The following FIGNL2 variants were observed in gnomAD, a reference collection of about 807,000 sequenced individuals.
FIGNL2 encodes the protein fidgetin-like protein 2.
For synonymous variants in FIGNL2, 565 were observed against 484.0 expected (o/e 1.17, Z -2.20); for missense variants, 1,060 against 950.2 (o/e 1.12, Z -1.52).
rs1408204038 is a variant in FIGNL2 at position 51,821,598 on chromosome 12, CTCG to C, written c.813_815del (p.Asp271del). ...ACTTGCGGTAGCGGCCCTCGGGCCC[CTCG>C]TCGGCGGCCTTGCGCTTCAGCGACA... On this transcript the variant is annotated inframe_deletion, in exon 2 of 2. Transcript: ENST00000618634. The C allele has an allele frequency of 6.6e-7, 1 of 1,507,476 alleles. No homozygotes were observed. 93.4% of individuals were successfully genotyped at this position (1,507,476 alleles called of 1,614,324 possible).
At position 51,820,931 on chromosome 12, in the gene FIGNL2, C is replaced by A; in HGVS notation, c.1483G>T (p.Ala495Ser). 1 of 1,312,188 alleles carries A rather than the reference C, an allele frequency of 7.6e-7. No homozygotes were observed. The highest frequency in any genetic ancestry group is 9.6e-7 in the Non-Finnish European group (1 of 1,038,760). 81.3% of individuals were successfully genotyped at this position (1,312,188 alleles called of 1,614,324 possible). Residue 495 changes from alanine (A) to serine (S), a missense_variant, in exon 2 of 2, where the codon GCG (alanine) becomes TCG (serine). Coordinates refer to ENST00000618634, the MANE Select transcript of FIGNL2 (RefSeq NM_001384995.1). ...PSVLLISELEALLPARDDGAA... is the reference protein window; with the variant it reads ...PSVLLISELESLLPARDDGAA... ...CCGTCGTCCCGGGCGGGGAGCAGCG[C>A]CTCTAGCTCGCTGATGAGGAGTACG...
chr12:51,832,808 G>A (rs1399904657), intron 1 of FIGNL2, among the ~76,000 whole-genome samples: 2 of 152,066 alleles, frequency 1.3e-5, no homozygotes, highest in Non-Finnish European at 2.9e-5. Context: ...TATTTAATTG[G>A]CATAATTAAC....
At chr12:51,840,440 G>T (rs1939641841) in intron 1 of FIGNL2, among the ~76,000 whole-genome samples, 1 of 152,152 alleles carries the variant, frequency 6.6e-6, no homozygotes, top group East Asian at 1.9e-4. Flanking sequence ...GCTACAAAGG[G>T]AATTAATAAC....
chr12:51,847,118 G>A (rs1939768408), intron 1 of FIGNL2: 2 of 985,290 alleles, frequency 2.0e-6, no homozygotes, highest in South Asian at 4.7e-5. Context: ...CGGCGCGCCC[G>A]TCCTTGGGGG....
chr12:51,830,136 A>G (rs1043442956), intron 1 of FIGNL2, among the ~76,000 whole-genome samples: 7 of 152,000 alleles, frequency 4.6e-5, no homozygotes, highest in African/African-American at 1.7e-4. Flanking sequence ...TAAAAATACA[A>G]AAATTAGCCG....
At chr12:51,833,171 C>T (rs1939504293) in intron 1 of FIGNL2, among the ~76,000 whole-genome samples, 1 of 152,100 alleles carries the variant, frequency 6.6e-6, no homozygotes, top group Non-Finnish European at 1.5e-5. Context: ...CCTCAGCCTC[C>T]CAAGTAGTTG....
At chr12:51,829,786 AAAG>A (rs539224862) in intron 1 of FIGNL2, among the ~76,000 whole-genome samples, 235 of 151,340 alleles carry the variant, frequency 1.6e-3, no homozygotes, top group Non-Finnish European at 2.8e-3. Flanking sequence ...AGAGAGGAAA[AAAG>A]AAGGAAGGAA....
Position 51,822,039 on chromosome 12 carries a change from A to G in FIGNL2, c.375T>C (p.Gly125=). ...LPGTKSGGGG[G]SGALGGSPVL... is the part of the protein sequence containing the mutation. ...CTGGGGAGCCCCCCAGGGCCCCGGAACCGCCGCCACCGCCCGATTTGGTTC... is the reference window on the plus strand; with the variant it reads ...CTGGGGAGCCCCCCAGGGCCCCGGAGCCGCCGCCACCGCCCGATTTGGTTC... Residue 125 remains glycine, a synonymous_variant, in exon 2 of 2, where the codon GGT becomes GGC. Transcript: ENST00000618634. 6.2e-7 allele frequency: 1 copy of G among 1,606,930 alleles called. No homozygotes were observed. Among genetic ancestry groups the G allele is most frequent in the Non-Finnish European group, 8.5e-7 (1 of 1,177,300 alleles).
intron 1 of FIGNL2, chr12:51,845,809 A>C: frequency 4.1e-6 from 1 of 246,324 alleles, no homozygotes; most frequent in Non-Finnish European, 6.5e-6. Context: ...GGCCCAGATA[A>C]TAAGCAATTG....
At chr12:51,847,117 C>A (rs920619475) in intron 1 of FIGNL2, 13 of 985,280 alleles carry the variant, frequency 1.3e-5, no homozygotes, top group Non-Finnish European at 1.6e-5. Context: ...CCGGCGCGCC[C>A]GTCCTTGGGG....
chr12:51,838,368 T>C (rs1939610888), intron 1 of FIGNL2, among the ~76,000 whole-genome samples: 1 of 152,084 alleles, frequency 6.6e-6, no homozygotes, highest in Non-Finnish European at 1.5e-5. Flanking sequence ...CTCCCCTTTC[T>C]CCACTTCACT....
intron 1 of FIGNL2, chr12:51,847,439 C>A (rs569818837): frequency 1.0e-6 from 1 of 985,466 alleles, no homozygotes; most frequent in Non-Finnish European, 1.2e-6. Flanking sequence ...ACAGCCCGTG[C>A]GGACAACACA....
intron 1 of FIGNL2, among the ~76,000 whole-genome samples, chr12:51,836,469 G>T (rs2138995080): frequency 6.6e-6 from 1 of 152,260 alleles, no homozygotes; most frequent in Non-Finnish European, 1.5e-5. Context: ...CAGTCCGGGG[G>T]TCACAGCTGT....
rs1939122515 is a variant in FIGNL2 at position 51,819,570 on chromosome 12, C to G, written c.*882G>C. 6.6e-6 allele frequency: 1 copy of G among 152,476 alleles called. No homozygotes were observed. The highest frequency in any genetic ancestry group is 6.6e-5 in the Admixed American group (1 of 15,258). The allele number at this position is 152,476 out of a possible 1,614,324, so 9.4% of individuals were successfully genotyped here. On this transcript the variant is annotated 3_prime_UTR_variant, in exon 2 of 2. Transcript: ENST00000618634. Reference sequence around the variant, plus strand: ...GGGGGGAGGGGGCAGGTGTGAGGGGCACACAGGAGAGCAGCCAAAGTCTAA... The same window carrying G: ...GGGGGGAGGGGGCAGGTGTGAGGGGGACACAGGAGAGCAGCCAAAGTCTAA...
chr12:51,830,727 A>G (rs982087581), intron 1 of FIGNL2, among the ~76,000 whole-genome samples: 34 of 152,106 alleles, frequency 2.2e-4, no homozygotes, highest in Non-Finnish European at 3.2e-4. Flanking sequence ...TCCTGACCTC[A>G]TGATTCGCCC....
chr12:51,818,477 G>A lies in FIGNL2; in HGVS notation c.*1975C>T, dbSNP rs1211489153. On this transcript the variant is annotated 3_prime_UTR_variant, in exon 2 of 2. Transcript: ENST00000618634. ...TGCGGCTGTGACCCGGCAGCCCACTGCTTCTGAGGCACCAAAGCCCTGTGG... is the reference window on the plus strand; with the variant it reads ...TGCGGCTGTGACCCGGCAGCCCACTACTTCTGAGGCACCAAAGCCCTGTGG... 2 of 152,262 alleles carry A rather than the reference G, an allele frequency of 1.3e-5. No homozygotes were observed. Among genetic ancestry groups the A allele is most frequent in the African/African-American group, 4.8e-5 (2 of 41,402 alleles). 9.4% of individuals were successfully genotyped at this position (152,262 alleles called of 1,614,324 possible). A position where few individuals can be genotyped will look rare whatever the true frequency, so the allele number is the denominator to read the frequency against.
In FIGNL2 at chr12:51,821,044, C is replaced by G. The variant is rs1271872338; in HGVS notation, c.1370G>C (p.Arg457Pro). 19 of 1,196,254 alleles carry G rather than the reference C, an allele frequency of 1.6e-5. No homozygotes were observed. The highest frequency in any genetic ancestry group is 1.9e-5 in the Non-Finnish European group (18 of 967,094). 74.1% of individuals were successfully genotyped at this position (1,196,254 alleles called of 1,614,324 possible). A position where few individuals can be genotyped will look rare whatever the true frequency, so the allele number is the denominator to read the frequency against. Residue 457 changes from arginine to proline, a missense_variant, in exon 2 of 2, where the codon CGC becomes CCC. Arg to Pro is a moderately radical substitution (Grantham distance 103). Transcript: ENST00000618634. Reference protein sequence around the residue: ...TQLGATLLRLRGATLAAPGAA... With the variant: ...TQLGATLLRLPGATLAAPGAA... ...GCCGGGCGCAGCCAGGGTCGCGCCG[C>G]GCAGGCGCAACAGCGTGGCGCCCAG...
chr12:51,847,652 C>G (rs1452382427), intron 1 of FIGNL2: 15 of 985,450 alleles, frequency 1.5e-5, no homozygotes, highest in Non-Finnish European at 1.8e-5. Context: ...GACCCCTTCC[C>G]AGGCCTCCTC....
Position 51,837,010 on chromosome 12 carries a change from CA to C in FIGNL2, c.-12+11529del, listed in dbSNP as rs566687213. ...GTAAGTCCCACTGTCCGGTGGCCCC[CA>C]GGGAGTGTATTAGCACATTTGAACC... is the stretch of plus-strand genomic sequence containing the variant. On this transcript the variant is annotated intron_variant, in intron 1 of 1. Transcript: ENST00000618634. 1.1e-4 allele frequency among the ~76,000 whole-genome samples: 16 copies of C among 152,242 alleles called. No homozygotes were observed. In the South Asian group the frequency reaches 3.3e-3, roughly 32 times the overall value.
Sources: gnomAD v4.1 joint callset for allele counts (sites outside exome capture counted in the v4.1 genomes callset) on GRCh38, gnomAD v4.1.1 for gene constraint, MANE v1.5 for transcripts, NCBI Gene and HGNC (gene_info 2026-07-23, HGNC 2026-07-21) for gene names.